RUNDC3A: variants seen among roughly 807,000 people sequenced by gnomAD.
RUNDC3A encodes RUN domain containing 3A.
Under a neutral mutation model 53.9 loss-of-function variants are expected in RUNDC3A, and 28 were observed. The observed-to-expected ratio is 0.52, with a 90% confidence interval of 0.38 to 0.71. The LOEUF (loss-of-function observed/expected upper bound fraction) is 0.71, where lower values mean the gene tolerates loss of function less well. Among genes scored for constraint, RUNDC3A ranks in the 30% least tolerant of loss-of-function variants. The pLI is 0.00. For missense variants in RUNDC3A, 491 were observed against 597.3 expected (o/e 0.82, Z 1.85); for synonymous variants, 232 against 249.4 (o/e 0.93, Z 0.66).
intron 4 of RUNDC3A, chr17:44,314,088 A>G (rs1217804378): frequency 1.0e-6 from 1 of 993,442 alleles, no homozygotes; most frequent in East Asian, 1.1e-4. Flanking sequence ...AGCCTCAGCC[A>G]TGCACCATCT....
chr17:44,315,077 C>G lies in RUNDC3A; in HGVS notation c.629+68C>G. On this transcript the variant is annotated intron_variant, in intron 6 of 10. Transcript: ENST00000426726. The surrounding 1 kb of genome is among the most constrained non-coding windows in gnomAD (Gnocchi z 6.1). ...CGGGACATCCTGGGGACGTCCTGGT[C>G]CCACCGCCCTCAGCGGCCAGCGCAG... 1 of 1,609,446 alleles carries G rather than the reference C, an allele frequency of 6.2e-7. No homozygotes were observed. Among genetic ancestry groups the G allele is most frequent in the African/African-American group, 1.3e-5 (1 of 74,868 alleles).
intron 1 of RUNDC3A, chr17:44,310,928 C>T (rs1467272248): frequency 3.0e-6 from 3 of 985,468 alleles, no homozygotes; most frequent in East Asian, 2.3e-4. Context: ...CCAGCCACGA[C>T]CCCGCTCCTC....
At chr17:44,313,361 G>T in intron 3 of RUNDC3A, 57 bp from the exon 4 acceptor site, 1 of 1,610,876 alleles carries the variant, frequency 6.2e-7, no homozygotes, top group Non-Finnish European at 8.5e-7. Flanking sequence ...GCCCACACCT[G>T]ATGCTGGACA....
Position 44,313,435 on chromosome 17 carries a change from G to T in RUNDC3A, c.390G>T (p.Arg130=), listed in dbSNP as rs2047788968. ...TARAKGRAWI[R]VALMEKRMSE... ...ATTTCCAGGGCCGGGCATGGATCCG[G>T]GTGGCACTGATGGAGAAGCGCATGT... Residue 130 remains arginine (R), a synonymous_variant, in exon 4 of 11, where the codon CGG becomes CGT. Coordinates refer to ENST00000426726, the MANE Select transcript of RUNDC3A (RefSeq NM_001144825.2). 2 of 1,613,816 alleles carry T rather than the reference G, an allele frequency of 1.2e-6. No homozygotes were observed. Among genetic ancestry groups the T allele is most frequent in the South Asian group, 2.2e-5 (2 of 91,090 alleles).
chr17:44,318,350 C>A lies in RUNDC3A; in HGVS notation c.*112C>A, dbSNP rs184665564. 2 of 1,184,694 alleles carry A rather than the reference C, an allele frequency of 1.7e-6. No homozygotes were observed. Among genetic ancestry groups the A allele is most frequent in the Non-Finnish European group, 2.4e-6 (2 of 842,216 alleles). 73.4% of individuals were successfully genotyped at this position (1,184,694 alleles called of 1,614,324 possible). On this transcript the variant is annotated 3_prime_UTR_variant, in exon 11 of 11. Coordinates refer to ENST00000426726, the MANE Select transcript of RUNDC3A (RefSeq NM_001144825.2). ...TACCCTTCCAGAGAACGCTACCCAC[C>A]CAGCCAGGGTTCTCTCGGGGAAGAT...
intron 10 of RUNDC3A, chr17:44,317,730 G>A (rs571662421): frequency 2.6e-5 from 16 of 616,324 alleles, no homozygotes; most frequent in African/African-American, 2.2e-4. Flanking sequence ...GATTGTCTGT[G>A]TGTCTGTCTC....
At chr17:44,312,143 C>G (rs866549633) in intron 1 of RUNDC3A, among the ~76,000 whole-genome samples, 30 of 152,218 alleles carry the variant, frequency 2.0e-4, no homozygotes, top group Non-Finnish European at 3.8e-4. Flanking sequence ...TCACAGAAGA[C>G]AGCTCAGGTG....
rs921503368 is a variant in RUNDC3A at position 44,308,636 on chromosome 17, G to C, written c.-197G>C. ...AGCACCTCGGAGAGCTCCCTCCCCG[G>C]CCTTGTTTTGCTCTGGCATCGCCGC... is the stretch of plus-strand genomic sequence containing the variant. On this transcript the variant is annotated 5_prime_UTR_variant, in exon 1 of 11. Coordinates refer to ENST00000426726, the MANE Select transcript of RUNDC3A (RefSeq NM_001144825.2). 103 of 461,508 alleles carry C rather than the reference G, an allele frequency of 2.2e-4. No individual in the cohort carries two copies. Among genetic ancestry groups the C allele is most frequent in the Non-Finnish European group, 3.7e-4 (96 of 261,888 alleles). 28.6% of individuals were successfully genotyped at this position (461,508 alleles called of 1,614,324 possible). A position where few individuals can be genotyped will look rare whatever the true frequency, so the allele number is the denominator to read the frequency against.
At chr17:44,314,540 C>T (rs2047813331) in intron 4 of RUNDC3A, 195 bp from the exon 5 acceptor site, 2 of 1,430,778 alleles carry the variant, frequency 1.4e-6, no homozygotes, top group African/African-American at 1.4e-5. Context: ...AGGGAACACC[C>T]ATTCTAGGTG....
In RUNDC3A at chr17:44,313,598, T is replaced by C. The variant is rs912519777; in HGVS notation, c.458+95T>C. ...CTTAAGTTCCTGCAGCATCCTTCAG[T>C]TCCTGGACTACAAGTCCCAGCACCA... On this transcript the variant is annotated intron_variant, in intron 4 of 10. Transcript: ENST00000426726. 8.7e-6 allele frequency: 13 copies of C among 1,486,110 alleles called. No individual in the cohort carries two copies. The East Asian group carries it at 3.2e-4, about 37-fold the overall frequency. 92.1% of individuals were successfully genotyped at this position (1,486,110 alleles called of 1,614,324 possible). A position where few individuals can be genotyped will look rare whatever the true frequency, so the allele number is the denominator to read the frequency against.
rs538102837 is a variant in RUNDC3A at position 44,318,242 on chromosome 17, A to G, written c.*4A>G. ...CCCAGCACTGAGCCCCAGCTGAGGA[A>G]CAGCATGGGCAGTGCCAGCCCCACC... On this transcript the variant is annotated 3_prime_UTR_variant, in exon 11 of 11. Transcript: ENST00000426726. 54 of 1,549,360 alleles carry G rather than the reference A, an allele frequency of 3.5e-5. No homozygotes were observed. In the Middle Eastern group the frequency reaches 7.3e-4, roughly 21 times the overall value.
chr17:44,313,141 A>G lies in RUNDC3A; in HGVS notation c.261A>G (p.Ser87=). The G allele has an allele frequency of 6.2e-7, 1 of 1,614,086 alleles. No individual in the cohort carries two copies. The highest frequency in any genetic ancestry group is 8.5e-7 in the Non-Finnish European group (1 of 1,179,900). The change falls in exon 3 of 11, where the codon TCA becomes TCG. Residue 87 remains serine (S), a synonymous_variant. Transcript: ENST00000426726. ...CAGGTCCAGTGAGCTGGTTCAGCTC[A>G]GACGGGCAGCGGGGCTTTTGGGACT... ...APAGPVSWFS[S]DGQRGFWDYI...
At chr17:44,316,298 C>T (rs1367106360) in intron 8 of RUNDC3A, 87 bp from the exon 9 acceptor site, 8 of 1,338,066 alleles carry the variant, frequency 6.0e-6, no homozygotes, top group Non-Finnish European at 8.3e-6. Flanking sequence ...AGATTTCATT[C>T]CTGACCCCTC....
At chr17:44,316,966 G>A in intron 10 of RUNDC3A, 2 of 466,130 alleles carry the variant, frequency 4.3e-6, no homozygotes, top group South Asian at 4.4e-5. Flanking sequence ...GGGATTAAAA[G>A]CGCCTGCCAC....
At chr17:44,313,355 A>C in intron 3 of RUNDC3A, 63 bp from the exon 4 acceptor site, 1 of 1,609,660 alleles carries the variant, frequency 6.2e-7, no homozygotes, top group East Asian at 2.2e-5. Flanking sequence ...AGAAGGGCCC[A>C]CACCTGATGC....
At chr17:44,317,819 C>A (rs1225182458) in intron 10 of RUNDC3A, 2 of 592,634 alleles carry the variant, frequency 3.4e-6, no homozygotes, top group Non-Finnish European at 6.0e-6. Flanking sequence ...TGGAACAGAG[C>A]GAGTGCTCAC....
At chr17:44,314,649 G>A in intron 4 of RUNDC3A, 86 bp from the exon 5 acceptor site, 5 of 1,483,816 alleles carry the variant, frequency 3.4e-6, no homozygotes, top group Non-Finnish European at 4.6e-6. Context: ...AGGATGGGGT[G>A]GCAGTAAGCC....
At chr17:44,308,980 G>A (rs1436768210) in intron 1 of RUNDC3A, 41 bp downstream of exon 1, 1 of 1,386,714 alleles carries the variant, frequency 7.2e-7, no homozygotes, top group South Asian at 1.2e-5. Flanking sequence ...TGGTGAGGGA[G>A]AGGGGTTGGG....
chr17:44,316,802 CTCAT>C (rs922771326), intron 10 of RUNDC3A, 77 bp downstream of exon 10: 4 of 784,360 alleles, frequency 5.1e-6, no homozygotes, highest in Non-Finnish European at 8.1e-6. Context: ...AAGGCATGTC[CTCAT>C]TCATTCTCTT....
Sources: gnomAD v4.1 joint callset for allele counts (sites outside exome capture counted in the v4.1 genomes callset) on GRCh38, gnomAD v4.1.1 for gene constraint, Gnocchi (gnomAD v3.1) non-coding constraint, MANE v1.5 for transcripts, NCBI Gene and HGNC (gene_info 2026-07-23, HGNC 2026-07-21) for gene names.